ERP44: variants seen among roughly 807,000 people sequenced by gnomAD.
ERP44 encodes endoplasmic reticulum resident protein 44.
Under a neutral mutation model 53.4 loss-of-function variants are expected in ERP44, and 25 were observed. The ratio of observed to expected loss-of-function variants is 0.47; its 90% CI spans 0.34 to 0.65. The LOEUF (loss-of-function observed/expected upper bound fraction) is 0.65. Among genes scored for constraint, ERP44 ranks in the 30% least tolerant of loss-of-function variants. The pLI, the probability that ERP44 is intolerant of heterozygous loss-of-function variation, is 0.01. For synonymous variants in ERP44, 145 were observed against 161.2 expected (o/e 0.90, Z 0.76); for missense variants, 338 against 493.2 (o/e 0.69, Z 2.98).
chr9:100,067,710 G>A (rs1416856073), intron 1 of ERP44, among the ~76,000 whole-genome samples: 3 of 150,292 alleles, frequency 2.0e-5, no homozygotes, highest in African/African-American at 4.9e-5. Flanking sequence ...AGTGAGGAGC[G>A]TCTCTGCCCG....
At chr9:100,089,615 GAGAAGC>G (rs1481634516) in intron 1 of ERP44, among the ~76,000 whole-genome samples, 1 of 143,190 alleles carries the variant, frequency 7.0e-6, no homozygotes, top group Non-Finnish European at 1.5e-5. Context: ...ATATGCCAAA[GAGAAGC>G]CATAAAGCGC....
intron 6 of ERP44, 110 bp downstream of exon 6, chr9:100,020,506 G>C: frequency 1.6e-6 from 1 of 633,586 alleles, no homozygotes; most frequent in South Asian, 2.0e-5. Context: ...GATTTTAAAA[G>C]GATTGAGATC....
chr9:99,982,057 A>C lies in ERP44; in HGVS notation c.*555T>G, dbSNP rs1440950108. The C allele has an allele frequency of 6.6e-6, 1 of 152,630 alleles. No homozygotes were observed. The allele number at this position is 152,630 out of a possible 1,614,324, so 9.5% of individuals were successfully genotyped here. A position where few individuals can be genotyped will look rare whatever the true frequency, so the allele number is the denominator to read the frequency against. ...TCTCCTCCACTTCAAAGTATGTTTA[A>C]GTTACACATTAAGAATCCAAAAAAA... On this transcript the variant is annotated 3_prime_UTR_variant, in exon 12 of 12. Coordinates refer to ENST00000262455, the MANE Select transcript of ERP44 (RefSeq NM_015051.3).
At position 99,991,504 on chromosome 9, in the gene ERP44, C is replaced by T. The variant is rs117205849; in HGVS notation, c.1017-6435G>A. Among the ~76,000 whole-genome samples, 5 of 152,320 alleles carry T rather than the reference C, an allele frequency of 3.3e-5. No individual in the cohort carries two copies. In the East Asian group the frequency reaches 9.6e-4, roughly 29 times the overall value. On this transcript the variant is annotated intron_variant, in intron 10 of 11. Coordinates refer to ENST00000262455, the MANE Select transcript of ERP44 (RefSeq NM_015051.3). Reference sequence around the variant, plus strand: ...ACAGTGTACCAGGGTCTCTGGGAAACATTTAAAGCAGTCCGTAGAGGGAAA... The same window carrying T: ...ACAGTGTACCAGGGTCTCTGGGAAATATTTAAAGCAGTCCGTAGAGGGAAA...
intron 10 of ERP44, among the ~76,000 whole-genome samples, chr9:100,004,785 C>T (rs915355882): frequency 2.6e-5 from 4 of 152,248 alleles, no homozygotes; most frequent in Admixed American, 2.0e-4. Context: ...TATTTTTCTG[C>T]ATGGATGTAT....
Position 100,098,957 on chromosome 9 carries a change from C to A in ERP44, c.-117G>T, listed in dbSNP as rs531896515. ...CGACGGCAGCGGAGGATTCTCCAGG[C>A]AGCGGCACCTCGTCCTCTCGACCCG... is the stretch of plus-strand genomic sequence containing the variant. On this transcript the variant is annotated 5_prime_UTR_variant, in exon 1 of 12. Transcript: ENST00000262455. 6.4e-6 allele frequency: 5 copies of A among 776,782 alleles called. No individual in the cohort carries two copies. Among genetic ancestry groups the A allele is most frequent in the East Asian group, 2.7e-5 (1 of 37,508 alleles). The allele number at this position is 776,782 out of a possible 1,614,324, so 48.1% of individuals were successfully genotyped here. A position where few individuals can be genotyped will look rare whatever the true frequency, so the allele number is the denominator to read the frequency against.
At chr9:100,035,484 T>A (rs1003735969) in intron 4 of ERP44, among the ~76,000 whole-genome samples, 1 of 152,150 alleles carries the variant, frequency 6.6e-6, no homozygotes, top group African/African-American at 2.4e-5. Flanking sequence ...AAGACCAGCC[T>A]AGGCAACATG....
intron 8 of ERP44, among the ~76,000 whole-genome samples, chr9:100,015,494 G>A (rs1170839755): frequency 5.9e-5 from 9 of 152,138 alleles, no homozygotes; most frequent in Non-Finnish European, 1.3e-4. Context: ...TAAGAATTTC[G>A]ATGGGCTTGA....
intron 1 of ERP44, among the ~76,000 whole-genome samples, chr9:100,073,621 A>G (rs1826327008): frequency 6.6e-6 from 1 of 152,250 alleles, no homozygotes; most frequent in Non-Finnish European, 1.5e-5. Flanking sequence ...GAAGATAAAC[A>G]TTAAAATCAT....
At chr9:100,011,928 C>T (rs180910948) in intron 8 of ERP44, among the ~76,000 whole-genome samples, 77 of 152,158 alleles carry the variant, frequency 5.1e-4, no homozygotes, top group South Asian at 2.1e-3. Context: ...TTATTCTTAC[C>T]GCTGCAGCAT....
At chr9:99,985,616 C>T (rs773851697) in intron 10 of ERP44, among the ~76,000 whole-genome samples, 14 of 152,164 alleles carry the variant, frequency 9.2e-5, no homozygotes, top group Admixed American at 3.3e-4. Context: ...GCTTGTGAGC[C>T]TACTTTTGAG....
At position 100,057,809 on chromosome 9, in the gene ERP44, A is replaced by C. The variant is rs1249538146; in HGVS notation, c.170+11T>G. 3 of 1,601,672 alleles carry C rather than the reference A, an allele frequency of 1.9e-6. No homozygotes were observed. The highest frequency in any genetic ancestry group is 1.7e-4 in the Middle Eastern group (1 of 6,034). On this transcript the variant is annotated intron_variant, in intron 3 of 11. Transcript: ENST00000262455. ...AAAACAAAACCAAACCCAAACAATAAGATTACTTACCAGTCAGCATAAAAA... is the reference window on the plus strand; with the variant it reads ...AAAACAAAACCAAACCCAAACAATACGATTACTTACCAGTCAGCATAAAAA...
At chr9:100,057,997 C>A in intron 2 of ERP44, 138 bp from the exon 3 acceptor site, 1 of 649,556 alleles carries the variant, frequency 1.5e-6, no homozygotes. Context: ...CACTCAGAAA[C>A]CTAGAGTCAT....
At chr9:100,022,711 TG>T (rs1302888349) in intron 4 of ERP44, among the ~76,000 whole-genome samples, 1 of 152,184 alleles carries the variant, frequency 6.6e-6, no homozygotes, top group Non-Finnish European at 1.5e-5. Context: ...AGTCTTTGCA[TG>T]GTCCAGGAAG....
intron 1 of ERP44, among the ~76,000 whole-genome samples, chr9:100,075,047 T>C (rs1001631867): frequency 1.3e-5 from 2 of 152,008 alleles, no homozygotes; most frequent in African/African-American, 4.8e-5. Context: ...CCTAGAAAAA[T>C]GGTAAGTCAA....
chr9:100,082,007 C>A (rs145136742), intron 1 of ERP44, among the ~76,000 whole-genome samples: 2 of 151,014 alleles, frequency 1.3e-5, no homozygotes, highest in African/African-American at 4.9e-5. Flanking sequence ...TACACACACA[C>A]AAAACAACTA....
At chr9:100,003,500 C>G (rs1578644) in intron 10 of ERP44, among the ~76,000 whole-genome samples, 103,037 of 152,196 alleles carry the variant, frequency 0.68, 36,122 homozygotes, top group East Asian at 0.91. Context: ...CAGCTGCCTG[C>G]TATGGTCCAT....
chr9:100,033,949 A>G (rs1825824155), intron 4 of ERP44, among the ~76,000 whole-genome samples: 1 of 152,134 alleles, frequency 6.6e-6, no homozygotes, highest in South Asian at 2.1e-4. Flanking sequence ...TCCCTCTACA[A>G]TCCTTAGGAT....
intron 1 of ERP44, among the ~76,000 whole-genome samples, chr9:100,085,657 T>C (rs2118754144): frequency 6.6e-6 from 1 of 152,356 alleles, no homozygotes; most frequent in Non-Finnish European, 1.5e-5. Flanking sequence ...CCCAGCACTT[T>C]GGGAGGCCGA....
Sources: allele counts gnomAD v4.1 joint callset (sites outside exome capture counted in the v4.1 genomes callset), GRCh38; gene constraint gnomAD v4.1.1; transcripts MANE v1.5; gene names NCBI Gene and HGNC (gene_info 2026-07-23, HGNC 2026-07-21).